The following ZNF85 variants were observed in gnomAD, a reference collection of about 807,000 sequenced individuals.
The protein encoded by ZNF85 is zinc finger protein 85 (HPF4, HTF1).
Under a neutral mutation model 53.9 loss-of-function variants are expected in ZNF85, and 50 were observed. The ratio of observed to expected loss-of-function variants is 0.93; its 90% CI spans 0.74 to 1.17. ZNF85 has a LOEUF of 1.17. Ranked by LOEUF, ZNF85 falls within the 50% of genes most tolerant of loss-of-function variation. ZNF85 has a pLI of 0.00. For missense variants in ZNF85, 747 were observed against 688.5 expected, an observed-to-expected ratio of 1.08 and a Z score of -0.95; for synonymous variants, 225 against 226.1, an observed-to-expected ratio of 1.00 and a Z score of 0.04.
At chr19:20,948,671 A>G (rs890945060) in intron 3 of ZNF85, 73 bp from the exon 4 acceptor site, 4 of 1,164,436 alleles carry the variant, frequency 3.4e-6, no homozygotes, top group African/African-American at 1.5e-5. Context: ...GTTTAATTTT[A>G]TATATTACAT....
At position 20,948,974 on chromosome 19, in the gene ZNF85, G is replaced by T. The variant is rs760272737; in HGVS notation, c.460G>T (p.Val154Phe). The change falls in exon 4 of 4, where the codon GTC becomes TTC. Residue 154 changes from valine (V) to phenylalanine (F), a missense_variant. Val to Phe is a conservative substitution (Grantham distance 50). Coordinates refer to ENST00000328178, the MANE Select transcript of ZNF85 (RefSeq NM_003429.5). Reference protein sequence around the residue: ...KIFQCDKYVKVAHKFSNSNRH... With the variant: ...KIFQCDKYVKFAHKFSNSNRH... ...ATTTCAATGTGATAAATATGTAAAAGTCGCTCATAAATTTTCAAATTCAAA... is the reference window on the plus strand; with the variant it reads ...ATTTCAATGTGATAAATATGTAAAATTCGCTCATAAATTTTCAAATTCAAA... The T allele has an allele frequency of 3.7e-6, 6 of 1,613,592 alleles. No individual in the cohort carries two copies. The highest frequency in any genetic ancestry group is 5.1e-6 in the Non-Finnish European group (6 of 1,179,738).
intron 1 of ZNF85, chr19:20,926,958 G>A (rs970185399): frequency 6.6e-6 from 1 of 152,048 alleles, no homozygotes; most frequent in Non-Finnish European, 1.5e-5. Flanking sequence ...TCCTAGGGAG[G>A]AGCATAAAAG....
chr19:20,946,884 T>A (rs906418400), intron 3 of ZNF85, among the ~76,000 whole-genome samples: 4 of 151,954 alleles, frequency 2.6e-5, no homozygotes, highest in Non-Finnish European at 5.9e-5. Flanking sequence ...TTAATTTTTT[T>A]AATAAATCCC....
intron 3 of ZNF85, among the ~76,000 whole-genome samples, chr19:20,948,332 T>A (rs1283006742): frequency 6.6e-6 from 1 of 152,122 alleles, no homozygotes; most frequent in African/African-American, 2.4e-5. Context: ...GAAACCAGTG[T>A]CTGGAAAAGT....
At chr19:20,944,209 C>T (rs1053019725) in intron 3 of ZNF85, 1 of 151,692 alleles carries the variant, frequency 6.6e-6, no homozygotes, top group African/African-American at 2.4e-5. Flanking sequence ...TATTTTTTAA[C>T]ATAATGGACT....
At chr19:20,928,397 C>G (rs62124024) in intron 1 of ZNF85, 18,392 of 152,324 alleles carry the variant, frequency 0.12, 1,285 homozygotes, top group Middle Eastern at 0.17. Context: ...AGGCTCTGCT[C>G]TCCTGTACAC....
intron 3 of ZNF85, among the ~76,000 whole-genome samples, chr19:20,939,931 A>G (rs1912111178): frequency 1.3e-5 from 2 of 150,104 alleles, no homozygotes; most frequent in African/African-American, 2.5e-5. Flanking sequence ...TCCCGACCTC[A>G]GGTGATCCGC....
chr19:20,937,557 T>A (rs113470454), intron 3 of ZNF85, among the ~76,000 whole-genome samples: 1,814 of 152,312 alleles, frequency 0.012, 34 homozygotes, highest in African/African-American at 0.034. Context: ...GACTTCTATA[T>A]ATAAGGCAGA....
intron 1 of ZNF85, among the ~76,000 whole-genome samples, chr19:20,929,810 A>G (rs1599428458): frequency 6.6e-6 from 1 of 152,098 alleles, no homozygotes; most frequent in Admixed American, 6.6e-5. Flanking sequence ...CTTGCCTCAC[A>G]CAATTTGTTA....
At chr19:20,946,334 G>A (rs1973419499) in intron 3 of ZNF85, 1 of 430,522 alleles carries the variant, frequency 2.3e-6, no homozygotes, top group Non-Finnish European at 4.6e-6. Context: ...ATGAGCTATT[G>A]AGAAAGGTGT....
chr19:20,948,188 C>T (rs1413725373), intron 3 of ZNF85, among the ~76,000 whole-genome samples: 1 of 151,976 alleles, frequency 6.6e-6, no homozygotes, highest in Non-Finnish European at 1.5e-5. Context: ...CATGTTTCTT[C>T]TTAATAGTCA....
chr19:20,934,826 A>T (rs1973118517), intron 2 of ZNF85, 123 bp from the exon 3 acceptor site: 3 of 522,906 alleles, frequency 5.7e-6, no homozygotes, highest in Non-Finnish European at 6.3e-6. Flanking sequence ...AATATTTTTT[A>T]AATATTTGAA....
intron 1 of ZNF85, among the ~76,000 whole-genome samples, chr19:20,931,424 G>A (rs1973014647): frequency 6.6e-6 from 1 of 151,884 alleles, no homozygotes; most frequent in South Asian, 2.1e-4. Flanking sequence ...TTGTTCTAGG[G>A]GGAAGCAGTC....
intron 3 of ZNF85, chr19:20,943,954 T>G (rs1426977818): frequency 2.6e-5 from 6 of 232,326 alleles, no homozygotes; most frequent in Non-Finnish European, 3.5e-5. Flanking sequence ...TTGCATGTAA[T>G]AAAAAGTTTT....
At chr19:20,936,920 C>T (rs78585803) in intron 3 of ZNF85, 6,725 of 153,586 alleles carry the variant, frequency 0.044, 210 homozygotes, top group Non-Finnish European at 0.069. Context: ...AAAGGAACCT[C>T]TATTTCACAT....
intron 1 of ZNF85, among the ~76,000 whole-genome samples, chr19:20,933,110 G>A (rs762789693): frequency 6.6e-5 from 10 of 151,100 alleles, no homozygotes; most frequent in African/African-American, 1.9e-4. Flanking sequence ...GGAGAATGCC[G>A]TGAACCCAGG....
At chr19:20,926,191 T>G (rs1972876393) in intron 1 of ZNF85, among the ~76,000 whole-genome samples, 1 of 152,174 alleles carries the variant, frequency 6.6e-6, no homozygotes, top group African/African-American at 2.4e-5. Context: ...TTACATAGAT[T>G]CATGAAAACA....
intron 1 of ZNF85, among the ~76,000 whole-genome samples, chr19:20,930,076 A>C (rs1972973066): frequency 7.2e-6 from 1 of 138,080 alleles, no homozygotes; most frequent in African/African-American, 2.7e-5. Context: ...AGCTGAGATC[A>C]TGCCATTGCA....
At chr19:20,924,944 C>T (rs1408517477) in intron 1 of ZNF85, among the ~76,000 whole-genome samples, 1 of 152,102 alleles carries the variant, frequency 6.6e-6, no homozygotes, top group Non-Finnish European at 1.5e-5. Flanking sequence ...TTTCCTGGTC[C>T]TGGGTTTTCA....
Sources: allele counts gnomAD v4.1 joint callset (sites outside exome capture counted in the v4.1 genomes callset), GRCh38; gene constraint gnomAD v4.1.1; transcripts MANE v1.5; gene names NCBI Gene and HGNC (gene_info 2026-07-23, HGNC 2026-07-21).